P2RY14: variants seen among roughly 807,000 people sequenced by gnomAD.
P2RY14 encodes P2Y purinoceptor 14.
A neutral mutation model predicts 0.9 loss-of-function variants in P2RY14; 2 were observed. The ratio of observed to expected loss-of-function variants is 2.16; its 90% CI spans 0.88 to 6.79. The LOEUF (loss-of-function observed/expected upper bound fraction) is 6.79. Among genes scored for constraint, P2RY14 ranks in the 30% most tolerant of loss-of-function variants. The probability of loss-of-function intolerance (pLI) is 0.05; values close to 1 mark genes in which losing one functional copy is unlikely to be tolerated. For synonymous variants in P2RY14, 158 were observed against 147.2 expected (o/e 1.07, Z -0.53); for missense variants, 378 against 400.1 (o/e 0.94, Z 0.47).
At chr3:151,276,665 A>G (rs1480068842) in intron 1 of P2RY14, among the ~76,000 whole-genome samples, 1 of 152,222 alleles carries the variant, frequency 6.6e-6, no homozygotes, top group Non-Finnish European at 1.5e-5. Context: ...GAAGCACTTT[A>G]TAGAGTGAAC....
At chr3:151,223,464 G>C (rs1729824273) in intron 1 of P2RY14, among the ~76,000 whole-genome samples, 1 of 152,134 alleles carries the variant, frequency 6.6e-6, no homozygotes. Flanking sequence ...TGATGGATTG[G>C]ATGAAGAAAA....
At chr3:151,277,024 G>A (rs965921673) in intron 1 of P2RY14, among the ~76,000 whole-genome samples, 1 of 152,118 alleles carries the variant, frequency 6.6e-6, no homozygotes, top group Admixed American at 6.5e-5. Context: ...AGCCTCCTGA[G>A]TACCTGGGAT....
chr3:151,229,171 C>T (rs1731111550), intron 1 of P2RY14, among the ~76,000 whole-genome samples: 1 of 152,150 alleles, frequency 6.6e-6, no homozygotes, highest in Non-Finnish European at 1.5e-5. Flanking sequence ...AAATACTGTA[C>T]AGAAGTGATT....
intron 1 of P2RY14, among the ~76,000 whole-genome samples, chr3:151,276,060 A>G (rs922072301): frequency 1.3e-5 from 2 of 152,228 alleles, no homozygotes; most frequent in Non-Finnish European, 1.5e-5. Flanking sequence ...TTATTATACA[A>G]TCAAGGACAC....
intron 1 of P2RY14, among the ~76,000 whole-genome samples, chr3:151,229,993 G>A (rs182636994): frequency 6.6e-6 from 1 of 152,032 alleles, no homozygotes; most frequent in East Asian, 1.9e-4. Context: ...TTTTGGATAT[G>A]GAGTCTCGCT....
intron 1 of P2RY14, among the ~76,000 whole-genome samples, chr3:151,241,629 TACAC>T (rs554224150): frequency 3.3e-5 from 5 of 152,168 alleles, no homozygotes; most frequent in South Asian, 2.1e-4. Context: ...TGTGTGTATA[TACAC>T]ACACAGTAGG....
chr3:151,213,597 A>G lies in P2RY14; in HGVS notation c.720T>C (p.Phe240=), dbSNP rs12631155. Residue 240 remains phenylalanine (F), a synonymous_variant, in exon 3 of 3, where the codon TTT becomes TTC. Transcript: ENST00000309170. ...AAGGTACAAAACAGACAAAAAACAC[A>G]AACACGATGCTGAATATGTTGCGGC... is the stretch of plus-strand genomic sequence containing the variant. ...KSSRNIFSIV[F]VFFVCFVPYH... 25,057 of 1,614,140 alleles carry G rather than the reference A, an allele frequency of 0.016. 1,664 individuals are homozygous for G. The African/African-American group carries it at 0.18, about 12-fold the overall frequency.
chr3:151,255,626 A>G (rs969714284), intron 1 of P2RY14, among the ~76,000 whole-genome samples: 2 of 152,170 alleles, frequency 1.3e-5, no homozygotes, highest in Admixed American at 1.3e-4. Context: ...AAGTCTTGTC[A>G]AAACTGGCCC....
At chr3:151,239,094 A>G (rs1011210386) in intron 1 of P2RY14, among the ~76,000 whole-genome samples, 6 of 152,322 alleles carry the variant, frequency 3.9e-5, no homozygotes, top group East Asian at 1.9e-4. Flanking sequence ...CACTGTGAGG[A>G]GGGGCAATAT....
chr3:151,246,482 C>G (rs934180615), intron 1 of P2RY14, among the ~76,000 whole-genome samples: 4 of 152,136 alleles, frequency 2.6e-5, no homozygotes, highest in African/African-American at 9.7e-5. Context: ...CTACAACTCT[C>G]TGATCTTTGA....
At chr3:151,273,227 CTTTTTTTT>C (rs63035061) in intron 1 of P2RY14, among the ~76,000 whole-genome samples, 4 of 106,164 alleles carry the variant, frequency 3.8e-5, no homozygotes, top group Non-Finnish European at 7.6e-5. Flanking sequence ...TTGTTGTGTT[CTTTTTTTT>C]TTTTTTTTTT....
intron 1 of P2RY14, among the ~76,000 whole-genome samples, chr3:151,251,839 G>A (rs1736914264): frequency 6.6e-6 from 1 of 152,088 alleles, no homozygotes; most frequent in African/African-American, 2.4e-5. Flanking sequence ...TTGCTTCTCA[G>A]TCTTTATTAT....
At chr3:151,258,474 C>T (rs1261875855) in intron 1 of P2RY14, among the ~76,000 whole-genome samples, 1 of 152,112 alleles carries the variant, frequency 6.6e-6, no homozygotes, top group Admixed American at 6.6e-5. Flanking sequence ...GGTTAAATTC[C>T]AGGGTATCCC....
intron 1 of P2RY14, among the ~76,000 whole-genome samples, chr3:151,239,759 G>T (rs1277355813): frequency 6.6e-6 from 1 of 152,100 alleles, no homozygotes; most frequent in African/African-American, 2.4e-5. Flanking sequence ...TCTGATAAGA[G>T]ATTTTGTTAT....
chr3:151,228,948 C>T (rs1731069414), intron 1 of P2RY14, among the ~76,000 whole-genome samples: 1 of 152,174 alleles, frequency 6.6e-6, no homozygotes, highest in African/African-American at 2.4e-5. Context: ...TTGCATTTCT[C>T]AGGCAAGCAG....
chr3:151,271,181 A>G (rs1577194264), intron 1 of P2RY14, among the ~76,000 whole-genome samples: 1 of 152,280 alleles, frequency 6.6e-6, no homozygotes, highest in South Asian at 2.1e-4. Flanking sequence ...AAAAAGACAA[A>G]CTCAGTTTCT....
intron 1 of P2RY14, among the ~76,000 whole-genome samples, chr3:151,255,519 G>A (rs572965469): frequency 6.6e-4 from 100 of 152,088 alleles, no homozygotes; most frequent in Non-Finnish European, 1.1e-3. Flanking sequence ...TGCCATGGCT[G>A]GGGAGGAGGG....
intron 1 of P2RY14, among the ~76,000 whole-genome samples, chr3:151,260,936 T>C (rs1001961646): frequency 3.9e-5 from 6 of 152,252 alleles, no homozygotes; most frequent in Middle Eastern, 6.8e-3. Context: ...GGCCTTCCAG[T>C]TTCCATCTCC....
At chr3:151,225,521 C>G (rs1015446239) in intron 1 of P2RY14, among the ~76,000 whole-genome samples, 1 of 152,122 alleles carries the variant, frequency 6.6e-6, no homozygotes, top group African/African-American at 2.4e-5. Context: ...CTATCATGAT[C>G]TAATCATCTC....
Sources: allele counts gnomAD v4.1 joint callset (sites outside exome capture counted in the v4.1 genomes callset), GRCh38; gene constraint gnomAD v4.1.1; transcripts MANE v1.5; gene names NCBI Gene and HGNC (gene_info 2026-07-23, HGNC 2026-07-21).